UPF2: variants seen among roughly 807,000 people sequenced by gnomAD.
The protein encoded by UPF2 is UPF2 regulator of nonsense mediated mRNA decay, also known as regulator of nonsense transcripts 2.
In UPF2, 17 loss-of-function variants were observed where a neutral mutation model predicts 141.4. The observed-to-expected ratio is 0.12, with a 90% confidence interval of 0.08 to 0.18. UPF2 has a LOEUF of 0.18. Ranked by LOEUF, UPF2 falls within the 10% of genes least tolerant of loss-of-function variation. The pLI is 1.00. For synonymous variants in UPF2, 540 were observed against 498.0 expected, an observed-to-expected ratio of 1.08 and a Z score of -1.12; for missense variants, 1,152 against 1,515.9, an observed-to-expected ratio of 0.76 and a Z score of 3.99.
In UPF2 at chr10:12,024,971, T is replaced by C. The variant is rs552602368; in HGVS notation, c.1145+3774A>G. Among the ~76,000 whole-genome samples the C allele has an allele frequency of 1.8e-3, 229 of 125,380 alleles. 1 individual carries two copies. The highest frequency in any genetic ancestry group is 6.2e-3 in the African/African-American group (212 of 34,410). 82.3% of individuals were successfully genotyped at this position (125,380 alleles called of 152,430 possible). ...AAAAAAAAAAAACACAGCTACTGGA[T>C]AATGACTGGGAGGGACAAAATGATC... On this transcript the variant is annotated intron_variant, in intron 3 of 21. Transcript: ENST00000357604.
At chr10:11,986,997 T>C (rs1833703013) in intron 8 of UPF2, among the ~76,000 whole-genome samples, 1 of 152,202 alleles carries the variant, frequency 6.6e-6, no homozygotes, top group South Asian at 2.1e-4. Context: ...GAGCCAACAC[T>C]TGGCTAAAAC....
At chr10:12,005,632 A>G (rs7913028) in intron 4 of UPF2, among the ~76,000 whole-genome samples, 10,745 of 152,194 alleles carry the variant, frequency 0.071, 400 homozygotes, top group Non-Finnish European at 0.08. Flanking sequence ...ACAATGGCGC[A>G]ACATCAGCTC....
rs112846785 is a variant in UPF2 at position 12,012,577 on chromosome 10, A to G, written c.1306+1447T>C. On this transcript the variant is annotated intron_variant, in intron 4 of 21. Coordinates refer to ENST00000357604, the MANE Select transcript of UPF2 (RefSeq NM_015542.4). ...TACCTCGGCCCACAGCCAATTCTCA[A>G]TCATGAGGTCAGGAGATCGAGATCA... is the stretch of plus-strand genomic sequence containing the variant. 1.6e-3 allele frequency among the ~76,000 whole-genome samples: 250 copies of G among 151,586 alleles called. 1 individual carries two copies. The highest frequency in any genetic ancestry group is 5.6e-3 in the African/African-American group (231 of 41,338).
chr10:11,981,375 T>C (rs10906042), intron 8 of UPF2, among the ~76,000 whole-genome samples: 147,695 of 152,206 alleles, frequency 0.97, 71,822 homozygotes, highest in Middle Eastern at 1. Context: ...AATAACCACT[T>C]TATAAGGTGG....
rs1439199969 is a variant in UPF2, at chr10:11,954,643, A to AAAAAAT, written c.2850+588_2850+589insATTTTT. Among the ~76,000 whole-genome samples the AAAAAAT allele has an allele frequency of 8.9e-3, 1,136 of 128,306 alleles. 3 individuals carry two copies. The highest frequency in any genetic ancestry group is 0.011 in the Non-Finnish European group (649 of 58,106). 84.2% of individuals were successfully genotyped at this position (128,306 alleles called of 152,430 possible). ...AGCAAGACTTACTCTCAAAAAAAAA[A>AAAAAAT]ATATATATATATATATATACATATA... On this transcript the variant is annotated intron_variant, in intron 14 of 21. Transcript: ENST00000357604.
chr10:12,012,886 C>T (rs184620142), intron 4 of UPF2, among the ~76,000 whole-genome samples: 16 of 151,690 alleles, frequency 1.1e-4, no homozygotes, highest in Admixed American at 8.5e-4. Context: ...CACCTATAAT[C>T]TCAGCACTTT....
intron 20 of UPF2, among the ~76,000 whole-genome samples, chr10:11,930,759 C>G (rs1351318841): frequency 6.6e-6 from 1 of 152,136 alleles, no homozygotes; most frequent in Non-Finnish European, 1.5e-5. Flanking sequence ...GCCTGGGTGA[C>G]AGAGGAAGGC....
chr10:12,027,962 G>C (rs953461621), intron 3 of UPF2, among the ~76,000 whole-genome samples: 1 of 152,104 alleles, frequency 6.6e-6, no homozygotes, highest in Non-Finnish European at 1.5e-5. Flanking sequence ...ACGTGCTATG[G>C]CTATTACCTC....
chr10:11,937,558 G>C (rs1832869472), intron 18 of UPF2, among the ~76,000 whole-genome samples: 1 of 152,202 alleles, frequency 6.6e-6, no homozygotes, highest in South Asian at 2.1e-4. Flanking sequence ...GGAATGCGGA[G>C]GGAATCGAGG....
At chr10:11,986,127 G>A (rs934661741) in intron 8 of UPF2, among the ~76,000 whole-genome samples, 5 of 151,376 alleles carry the variant, frequency 3.3e-5, no homozygotes, top group African/African-American at 9.7e-5. Context: ...CTTGTGATCC[G>A]CCCGCCTCAG....
Position 11,992,853 on chromosome 10 carries a change from AAAAG to A in UPF2, c.1844+4815_1844+4818del, listed in dbSNP as rs1833801946. Among the ~76,000 whole-genome samples, 3 of 152,174 alleles carry A rather than the reference AAAAG, an allele frequency of 2.0e-5. No individual in the cohort carries two copies. Among genetic ancestry groups the A allele is most frequent in the Admixed American group, 1.3e-4 (2 of 15,260 alleles). On this transcript the variant is annotated intron_variant, in intron 8 of 21. Transcript: ENST00000357604. This position sits in a 1 kb window ranked among gnomAD's most constrained non-coding sequence, Gnocchi z 4.1. ...GGCACATGTATACCAAACGCAAATA[AAAAG>A]AAAGCAGCAGTCAGGCGCAGGTGGC...
chr10:12,023,897 G>A (rs1834363253), intron 3 of UPF2, among the ~76,000 whole-genome samples: 1 of 151,350 alleles, frequency 6.6e-6, no homozygotes, highest in African/African-American at 2.4e-5. Context: ...GAGGTTGATG[G>A]AGGACTGCTT....
intron 3 of UPF2, among the ~76,000 whole-genome samples, chr10:12,025,511 A>T (rs1687185204): frequency 6.6e-6 from 1 of 151,994 alleles, no homozygotes. Flanking sequence ...AGACCATGAC[A>T]CTGCATTCCA....
chr10:11,960,602 A>G (rs1053210766), intron 11 of UPF2, among the ~76,000 whole-genome samples: 1 of 151,554 alleles, frequency 6.6e-6, no homozygotes, highest in Non-Finnish European at 1.5e-5. Flanking sequence ...AGAAAAATAA[A>G]GTAAAAAATT....
Position 11,998,126 on chromosome 10 carries a change from A to T in UPF2, c.1759-369T>A, listed in dbSNP as rs893463208. ...GTAATGTTAGGGTTTAGAAAGCAAT[A>T]CCCCAAAATATGGCTCTTTGGATGC... On this transcript the variant is annotated intron_variant, in intron 7 of 21. Transcript: ENST00000357604. The surrounding 1 kb of genome is among the most constrained non-coding windows in gnomAD (Gnocchi z 4.5). 6.6e-6 allele frequency among the ~76,000 whole-genome samples: 1 copy of T among 152,170 alleles called. No homozygotes were observed. Among genetic ancestry groups the T allele is most frequent in the Non-Finnish European group, 1.5e-5 (1 of 68,042 alleles).
chr10:11,996,763 A>G (rs1229861396), intron 8 of UPF2, among the ~76,000 whole-genome samples: 1 of 152,216 alleles, frequency 6.6e-6, no homozygotes, highest in East Asian at 1.9e-4. Flanking sequence ...ACTAAAATGA[A>G]TAACGCTAGC....
At chr10:12,027,673 A>G (rs761522012) in intron 3 of UPF2, among the ~76,000 whole-genome samples, 18 of 152,200 alleles carry the variant, frequency 1.2e-4, no homozygotes, top group Non-Finnish European at 2.6e-4. Context: ...TTGCCGTCTT[A>G]AATTCTCACC....
At position 12,013,336 on chromosome 10, in the gene UPF2, G is replaced by A. The variant is rs1309252604; in HGVS notation, c.1306+688C>T. Among the ~76,000 whole-genome samples the A allele has an allele frequency of 3.4e-5, 5 of 148,284 alleles. No individual in the cohort carries two copies. In the East Asian group the frequency reaches 1.1e-3, roughly 31 times the overall value. ...CTGTCATCCAGGCTGGAGTGCAGTG[G>A]CACAATCTCGGCTCACTGCAACTTC... On this transcript the variant is annotated intron_variant, in intron 4 of 21. Coordinates refer to ENST00000357604, the MANE Select transcript of UPF2 (RefSeq NM_015542.4).
chr10:12,034,079 C>A (rs1834575912), intron 2 of UPF2, among the ~76,000 whole-genome samples: 1 of 152,176 alleles, frequency 6.6e-6, no homozygotes. Flanking sequence ...AGCTTTAAAT[C>A]CCAACAGCTC....
Sources: allele counts gnomAD v4.1 joint callset (sites outside exome capture counted in the v4.1 genomes callset), GRCh38; gene constraint gnomAD v4.1.1; non-coding constraint Gnocchi (gnomAD v3.1); transcripts MANE v1.5; gene names NCBI Gene and HGNC (gene_info 2026-07-23, HGNC 2026-07-21).